Variants in FHIT observed in about 807,000 individuals in gnomAD.
FHIT encodes the protein bis(5'-adenosyl)-triphosphatase.
Under a neutral mutation model 17.9 loss-of-function variants are expected in FHIT, and 19 were observed. The observed-to-expected ratio is 1.06, with a 90% CI of 0.74 to 1.56. FHIT has a LOEUF of 1.56. Among genes scored for constraint, FHIT ranks in the 40% most tolerant of loss-of-function variants. The pLI is 0.00. For missense variants in FHIT, 248 were observed against 189.2 expected (o/e 1.31, Z -1.82); for synonymous variants, 81 against 69.7 (o/e 1.16, Z -0.81).
At chr3:60,242,590 T>C (rs147471539) in intron 5 of FHIT, among the ~76,000 whole-genome samples, 1 of 152,258 alleles carries the variant, frequency 6.6e-6, no homozygotes, top group Admixed American at 6.5e-5. Flanking sequence ...TGAGGCAAAG[T>C]TGACTGCTTA....
At chr3:61,203,868 A>G (rs2039116393) in intron 1 of FHIT, among the ~76,000 whole-genome samples, 1 of 152,252 alleles carries the variant, frequency 6.6e-6, no homozygotes, top group African/African-American at 2.4e-5. Flanking sequence ...AGGCCCTTAC[A>G]CATGTACTCA....
At chr3:59,992,431 T>C (rs1699320223) in intron 7 of FHIT, among the ~76,000 whole-genome samples, 1 of 152,096 alleles carries the variant, frequency 6.6e-6, no homozygotes, top group Non-Finnish European at 1.5e-5. Context: ...ATTGGACCGA[T>C]AAGTACAGTC....
intron 5 of FHIT, among the ~76,000 whole-genome samples, chr3:60,497,052 AG>A (rs2034328484): frequency 6.6e-6 from 1 of 152,164 alleles, no homozygotes; most frequent in Non-Finnish European, 1.5e-5. Flanking sequence ...AGTTCTCAAA[AG>A]GGGGTAACTT....
intron 5 of FHIT, among the ~76,000 whole-genome samples, chr3:60,410,547 A>C (rs867780039): frequency 6.6e-6 from 1 of 152,278 alleles, no homozygotes; most frequent in South Asian, 2.1e-4. Context: ...GCATTTTTTT[A>C]CTTTGAAAAG....
At chr3:60,471,117 T>A (rs1372675746) in intron 5 of FHIT, among the ~76,000 whole-genome samples, 1 of 152,112 alleles carries the variant, frequency 6.6e-6, no homozygotes, top group Non-Finnish European at 1.5e-5. Context: ...CTTTACTCTC[T>A]CCTCTCCTCT....
At chr3:60,524,204 ACACACACACACAC>A (rs2035486678) in intron 5 of FHIT, among the ~76,000 whole-genome samples, 1 of 4,366 alleles carries the variant, frequency 2.3e-4, no homozygotes, top group African/African-American at 2.9e-4. Flanking sequence ...TGAGACACAC[ACACACACACACAC>A]ACACACACAC....
At chr3:60,119,959 C>T (rs1705171603) in intron 5 of FHIT, among the ~76,000 whole-genome samples, 1 of 152,080 alleles carries the variant, frequency 6.6e-6, no homozygotes, top group Admixed American at 6.6e-5. Flanking sequence ...CTGTCCTTAC[C>T]CTGCCTTTCT....
intron 4 of FHIT, chr3:60,537,490 C>A: frequency 1.0e-6 from 1 of 980,842 alleles, no homozygotes; most frequent in Non-Finnish European, 1.2e-6. Context: ...ATGAGCACTT[C>A]CAGAGAACTA....
chr3:60,991,530 T>A (rs2030214600), intron 3 of FHIT, among the ~76,000 whole-genome samples: 1 of 152,204 alleles, frequency 6.6e-6, no homozygotes, highest in African/African-American at 2.4e-5. Context: ...AGATAGCATT[T>A]CCCTTACAGA....
chr3:60,559,928 T>A (rs180999), intron 4 of FHIT, among the ~76,000 whole-genome samples: 52,421 of 151,956 alleles, frequency 0.34, 9,316 homozygotes, highest in East Asian at 0.5. Flanking sequence ...ATGAGGTCTT[T>A]TCTTTACTTT....
At chr3:60,449,784 C>CACA (rs1480540491) in intron 5 of FHIT, among the ~76,000 whole-genome samples, 1 of 151,908 alleles carries the variant, frequency 6.6e-6, no homozygotes. Flanking sequence ...GTGGGTGCAT[C>CACA]ACAAGGTCAA....
chr3:59,763,743 G>A (rs1701646363), intron 8 of FHIT, among the ~76,000 whole-genome samples: 1 of 55,448 alleles, frequency 1.8e-5, no homozygotes, highest in African/African-American at 4.6e-5. Context: ...GCTGAGGAGT[G>A]GCAAGTGCAA....
At chr3:60,694,040 C>G (rs1476205269) in intron 4 of FHIT, among the ~76,000 whole-genome samples, 1 of 152,100 alleles carries the variant, frequency 6.6e-6, no homozygotes, top group Non-Finnish European at 1.5e-5. Context: ...GAAGCATTAG[C>G]CCTTGTCAAA....
chr3:60,621,167 G>C (rs1332710000), intron 4 of FHIT, among the ~76,000 whole-genome samples: 3 of 36,188 alleles, frequency 8.3e-5, no homozygotes, highest in African/African-American at 2.7e-4. Context: ...TTTTTTTTTT[G>C]AGATGGAGTC....
chr3:61,120,648 T>G (rs7626688), intron 2 of FHIT, among the ~76,000 whole-genome samples: 65,817 of 151,828 alleles, frequency 0.43, 15,972 homozygotes, highest in Non-Finnish European at 0.55. Context: ...GGTGGCACTT[T>G]TGCAGGCTAA....
At chr3:60,300,904 C>A (rs1708435197) in intron 5 of FHIT, among the ~76,000 whole-genome samples, 1 of 152,014 alleles carries the variant, frequency 6.6e-6, no homozygotes, top group Admixed American at 6.6e-5. Context: ...GCCCTAGATC[C>A]AGCCCCCATT....
chr3:60,569,755 A>ATATATATATATTTTTTTTT, intron 4 of FHIT, among the ~76,000 whole-genome samples: 3 of 77,340 alleles, frequency 3.9e-5, no homozygotes, highest in Admixed American at 2.0e-4. Flanking sequence ...ATATATATAT[A>ATATATATATATTTTTTTTT]TTTTTTTTTT....
At chr3:60,386,415 G>T (rs1434890354) in intron 5 of FHIT, among the ~76,000 whole-genome samples, 1 of 152,190 alleles carries the variant, frequency 6.6e-6, no homozygotes, top group Non-Finnish European at 1.5e-5. Context: ...GACTATCGAA[G>T]TGCAGCTTCA....
At chr3:60,879,434 C>T (rs1553757377) in intron 3 of FHIT, among the ~76,000 whole-genome samples, 1 of 152,154 alleles carries the variant, frequency 6.6e-6, no homozygotes, top group Non-Finnish European at 1.5e-5. Context: ...TCTGCAAAAG[C>T]CACTCTAGAA....
Sources: allele counts gnomAD v4.1 joint callset (sites outside exome capture counted in the v4.1 genomes callset), GRCh38; gene constraint gnomAD v4.1.1; transcripts MANE v1.5; gene names NCBI Gene and HGNC (gene_info 2026-07-23, HGNC 2026-07-21).